Variants in LTBP1 observed in about 807,000 individuals in gnomAD.
The protein encoded by LTBP1 is latent transforming growth factor beta binding protein 1, also known as latent-transforming growth factor beta-binding protein 1.
LTBP1 carries 129 observed loss-of-function variants against 207.6 expected under a neutral mutation model. That is an observed-to-expected ratio of 0.62 (90% CI 0.54 to 0.72). The LOEUF (loss-of-function observed/expected upper bound fraction) is 0.72, where lower values mean the gene tolerates loss of function less well. LTBP1 is among the 30% of genes least tolerant of loss of function. LTBP1 has a pLI of 0.00. For missense variants in LTBP1, 2,281 were observed against 2,217.2 expected, an observed-to-expected ratio of 1.03 and a Z score of -0.58; for synonymous variants, 963 against 833.7, an observed-to-expected ratio of 1.16 and a Z score of -2.67.
intron 24 of LTBP1, 91 bp from the exon 25 acceptor site, chr2:33,342,747 G>A (rs1262491057): frequency 1.3e-5 from 16 of 1,266,476 alleles, no homozygotes; most frequent in Non-Finnish European, 1.8e-5. Flanking sequence ...CACTAATCAG[G>A]ATGTGTTGAG....
intron 5 of LTBP1, among the ~76,000 whole-genome samples, chr2:33,140,686 A>C (rs1047330099): frequency 5.7e-5 from 5 of 88,388 alleles, no homozygotes; most frequent in African/African-American, 1.9e-4. Context: ...TTTTTTTTTG[A>C]GATAGAGTTT....
intron 23 of LTBP1, among the ~76,000 whole-genome samples, chr2:33,311,099 T>C (rs1204966702): frequency 6.6e-6 from 1 of 152,174 alleles, no homozygotes; most frequent in Non-Finnish European, 1.5e-5. Context: ...AGTCTTCTTG[T>C]AGGAGAAGAT....
chr2:33,320,012 A>C (rs2094331151), intron 24 of LTBP1, among the ~76,000 whole-genome samples: 1 of 152,212 alleles, frequency 6.6e-6, no homozygotes, highest in Non-Finnish European at 1.5e-5. Flanking sequence ...TTGTCAGTGA[A>C]GAACAGCAAA....
intron 5 of LTBP1, among the ~76,000 whole-genome samples, chr2:33,151,821 TTTTGTG>T (rs1250169201): frequency 1.3e-3 from 186 of 140,836 alleles, no homozygotes; most frequent in Middle Eastern, 3.5e-3. Context: ...TAGTATTCCA[TTTTGTG>T]TGTGTGTGTG....
intron 31 of LTBP1, among the ~76,000 whole-genome samples, chr2:33,388,763 C>G (rs6709900): frequency 0.13 from 19,086 of 152,152 alleles, 1,350 homozygotes; most frequent in African/African-American, 0.18. Context: ...TTATTCCTGT[C>G]TCTAGAGAGC....
At chr2:33,262,187 C>T (rs1030603689) in intron 13 of LTBP1, among the ~76,000 whole-genome samples, 1 of 152,180 alleles carries the variant, frequency 6.6e-6, no homozygotes, top group Non-Finnish European at 1.5e-5. Flanking sequence ...GTTCAGAGAG[C>T]TGGAGTTGTA....
Position 33,347,513 on chromosome 2 carries a change from A to T in LTBP1, c.4000+3A>T. 1 of 1,614,070 alleles carries T rather than the reference A, an allele frequency of 6.2e-7. No individual in the cohort carries two copies. On this transcript the variant is annotated splice_donor_region_variant and intron_variant, in intron 26 of 33. Coordinates refer to ENST00000404816, the MANE Select transcript of LTBP1 (RefSeq NM_206943.4). Reference sequence around the variant, plus strand: ...GTGCCGCTCCCGGACCTCCACAGGTAAGTCCCAGTGACACTGTGCAAGGGA... The same window carrying T: ...GTGCCGCTCCCGGACCTCCACAGGTTAGTCCCAGTGACACTGTGCAAGGGA...
intron 19 of LTBP1, among the ~76,000 whole-genome samples, chr2:33,282,511 T>G (rs542947367): frequency 4.6e-5 from 7 of 152,332 alleles, no homozygotes; most frequent in African/African-American, 1.7e-4. Flanking sequence ...AAAGCAGATA[T>G]TGCAGCATGC....
In LTBP1 at chr2:33,389,245, C is replaced by T. The variant is rs373102976; in HGVS notation, c.4773C>T (p.Asp1591=). The part of the protein sequence containing the change: ...VTGRRQPYGR[D]ALVDFSEQYT... Reference sequence around the variant, plus strand: ...GACGCCGGCAGCCATATGGACGGGACGCCTTGGTTGACTTCAGTGAACAGT... The same window carrying T: ...GACGCCGGCAGCCATATGGACGGGATGCCTTGGTTGACTTCAGTGAACAGT... The change falls in exon 32 of 34, where the codon GAC becomes GAT. Residue 1591 remains aspartate, a synonymous_variant. Transcript: ENST00000404816. 125 of 1,614,032 alleles carry T rather than the reference C, an allele frequency of 7.7e-5. No homozygotes were observed. The highest frequency in any genetic ancestry group is 2.4e-4 in the African/African-American group (18 of 74,910).
At chr2:32,955,199 C>T (rs1677880732) in intron 2 of LTBP1, among the ~76,000 whole-genome samples, 1 of 152,120 alleles carries the variant, frequency 6.6e-6, no homozygotes. Context: ...AATTTAAAGG[C>T]CAACCTCAAC....
At chr2:32,983,784 C>G (rs914360782) in intron 2 of LTBP1, among the ~76,000 whole-genome samples, 1 of 152,212 alleles carries the variant, frequency 6.6e-6, no homozygotes, top group Non-Finnish European at 1.5e-5. Flanking sequence ...GATTGTGAGG[C>G]CTCCCCAGCC....
At chr2:33,386,353 C>T (rs2095265282) in intron 31 of LTBP1, among the ~76,000 whole-genome samples, 1 of 152,132 alleles carries the variant, frequency 6.6e-6, no homozygotes, top group South Asian at 2.1e-4. Context: ...TCAAGCCCAT[C>T]TCATTTCTTT....
At chr2:33,114,222 A>G (rs899994282) in intron 4 of LTBP1, among the ~76,000 whole-genome samples, 3 of 152,236 alleles carry the variant, frequency 2.0e-5, no homozygotes, top group Non-Finnish European at 2.9e-5. Flanking sequence ...TTTAATTTGC[A>G]TCCGTATCAT....
intron 3 of LTBP1, chr2:33,056,237 A>G (rs2149562533): frequency 2.6e-6 from 1 of 391,444 alleles, no homozygotes; most frequent in Non-Finnish European, 4.6e-6. Context: ...TGGTCCCAAT[A>G]GCTTAGGATG....
rs767955965 is a variant in LTBP1, at chr2:33,350,121, C to G, written c.4000+2611C>G. Among the ~76,000 whole-genome samples, 4 of 152,296 alleles carry G rather than the reference C, an allele frequency of 2.6e-5. No homozygotes were observed. In the South Asian group the frequency reaches 6.2e-4, roughly 24 times the overall value. On this transcript the variant is annotated intron_variant, in intron 26 of 33. Transcript: ENST00000404816. The stretch of plus-strand genomic sequence containing the variant: ...CCAAATTTAAATAAAAGTTTTTAGA[C>G]TAGGATTCAAATTAATTTCATTATA...
intron 10 of LTBP1, among the ~76,000 whole-genome samples, chr2:33,248,583 C>T (rs555761156): frequency 9.3e-5 from 14 of 150,000 alleles, no homozygotes; most frequent in African/African-American, 3.5e-4. Flanking sequence ...TGGTTCTCCA[C>T]GAATTTTTTT....
intron 2 of LTBP1, among the ~76,000 whole-genome samples, chr2:32,949,375 A>G (rs892320565): frequency 1.3e-5 from 2 of 152,226 alleles, no homozygotes. Context: ...TACAACATCA[A>G]AGTTTTTATA....
intron 9 of LTBP1, among the ~76,000 whole-genome samples, chr2:33,223,078 G>A (rs2149442326): frequency 6.6e-6 from 1 of 152,258 alleles, no homozygotes; most frequent in South Asian, 2.1e-4. Flanking sequence ...ACCACCATAT[G>A]TATTTAGGAT....
intron 3 of LTBP1, among the ~76,000 whole-genome samples, chr2:33,034,598 C>A (rs891337171): frequency 3.9e-5 from 6 of 152,100 alleles, no homozygotes; most frequent in African/African-American, 1.4e-4. Flanking sequence ...GAATTCTTCC[C>A]TGGTCTGGAT....
Sources: gnomAD v4.1 joint callset for allele counts (sites outside exome capture counted in the v4.1 genomes callset) on GRCh38, gnomAD v4.1.1 for gene constraint, MANE v1.5 for transcripts, NCBI Gene and HGNC (gene_info 2026-07-23, HGNC 2026-07-21) for gene names.